The following RGS8 variants were observed in gnomAD, a reference collection of about 807,000 sequenced individuals.
The protein encoded by RGS8 is regulator of G protein signaling 8, also known as regulator of G-protein signaling 8.
In RGS8, 8 loss-of-function variants were observed where a neutral mutation model predicts 21.7. The ratio of observed to expected loss-of-function variants is 0.37; its 90% CI spans 0.22 to 0.66. The LOEUF (loss-of-function observed/expected upper bound fraction) is 0.66. Among genes scored for constraint, RGS8 ranks in the 30% least tolerant of loss-of-function variants. The pLI is 0.59. For synonymous variants in RGS8, 80 were observed against 83.6 expected, an observed-to-expected ratio of 0.96 and a Z score of 0.24; for missense variants, 157 against 217.9, an observed-to-expected ratio of 0.72 and a Z score of 1.76.
Position 182,648,380 on chromosome 1 carries a change from G to A in RGS8, c.194-77C>T. 3 of 1,468,720 alleles carry A rather than the reference G, an allele frequency of 2.0e-6. 1 individual carries two copies. In the South Asian group the frequency reaches 3.8e-5, roughly 19 times the overall value. 91.0% of individuals were successfully genotyped at this position (1,468,720 alleles called of 1,614,324 possible). On this transcript the variant is annotated intron_variant, in intron 5 of 6. Coordinates refer to ENST00000483095, the Ensembl canonical transcript of RGS8. ...AAGAACTGTAGAAGAAAGAAAGGAA[G>A]TAATAGTGTGAGGGTGCCCCTAATT... is the stretch of plus-strand genomic sequence containing the variant.
the RGS8 span, among the ~76,000 whole-genome samples, chr1:182,702,266 G>T: frequency 7.4e-4 from 112 of 152,192 alleles, no homozygotes; most frequent in African/African-American, 2.6e-3. Context: ...CAGCAACATG[G>T]ATGCAGGTGG....
At chr1:182,643,766 G>T (rs1457273224), downstream of RGS8, 1 of 152,240 alleles carries the variant, frequency 6.6e-6, no homozygotes, top group African/African-American at 2.4e-5. Flanking sequence ...GGCCATGAAT[G>T]GTTGATACTG....
the RGS8 span, among the ~76,000 whole-genome samples, chr1:182,751,292 C>A: frequency 6.6e-6 from 1 of 152,166 alleles, no homozygotes; most frequent in South Asian, 2.1e-4. Flanking sequence ...ATAAATTATG[C>A]AATCAATAGC....
the RGS8 span, among the ~76,000 whole-genome samples, chr1:182,749,334 T>C: frequency 6.6e-6 from 1 of 152,218 alleles, no homozygotes; most frequent in Non-Finnish European, 1.5e-5. Context: ...CCCAATACCA[T>C]TTATTGAAGA....
the RGS8 span, among the ~76,000 whole-genome samples, chr1:182,730,508 G>A: frequency 1.1e-4 from 17 of 152,004 alleles, no homozygotes; most frequent in African/African-American, 3.6e-4. Flanking sequence ...TCCGGAGTTC[G>A]AGACCAGCCT....
downstream of RGS8, chr1:182,643,628 T>A (rs966633613): frequency 1.3e-5 from 2 of 152,192 alleles, no homozygotes; most frequent in African/African-American, 4.8e-5. Context: ...GTCTATCAGA[T>A]CAGCATCTCT....
At chr1:182,673,425 T>C (rs537867493), upstream of RGS8, among the ~76,000 whole-genome samples, 1 of 152,178 alleles carries the variant, frequency 6.6e-6, no homozygotes, top group Admixed American at 6.5e-5. Flanking sequence ...TTGAGTCTTA[T>C]GACTCTAACA....
upstream of RGS8, among the ~76,000 whole-genome samples, chr1:182,673,213 A>G (rs75190854): frequency 1.3e-3 from 198 of 152,372 alleles, no homozygotes; most frequent in African/African-American, 4.5e-3. Flanking sequence ...TGATGGCTTT[A>G]TAATAATGGA....
the RGS8 span, among the ~76,000 whole-genome samples, chr1:182,731,919 A>G: frequency 6.6e-6 from 1 of 152,202 alleles, no homozygotes; most frequent in African/African-American, 2.4e-5. Flanking sequence ...AAAGGCTGCC[A>G]GTATTAGTAC....
chr1:182,718,025 C>A, the RGS8 span, among the ~76,000 whole-genome samples: 2 of 152,168 alleles, frequency 1.3e-5, no homozygotes, highest in African/African-American at 4.8e-5. Flanking sequence ...AAACTGTTGT[C>A]CACGTAGCTG....
rs1248329786 is a variant in RGS8 at position 182,684,088 on chromosome 1, G to C, written n.221+268C>G. On this transcript the variant is annotated intron_variant and non_coding_transcript_variant, in intron 1 of 4. Transcript: ENST00000515211. This position sits in a 1 kb window ranked among gnomAD's most constrained non-coding sequence, Gnocchi z 4.2. Reference sequence around the variant, plus strand: ...AGGGGACCTGAGGAGTTAGGGTTGAGGAAGGAGGATGGAGAACACAAAGGA... The same window carrying C: ...AGGGGACCTGAGGAGTTAGGGTTGACGAAGGAGGATGGAGAACACAAAGGA... Among the ~76,000 whole-genome samples, 1 of 152,254 alleles carries C rather than the reference G, an allele frequency of 6.6e-6. No individual in the cohort carries two copies. Among genetic ancestry groups the C allele is most frequent in the African/African-American group, 2.4e-5 (1 of 41,464 alleles).
the RGS8 span, among the ~76,000 whole-genome samples, chr1:182,700,365 A>G: frequency 6.6e-6 from 1 of 152,194 alleles, no homozygotes; most frequent in African/African-American, 2.4e-5. Flanking sequence ...CACACACGCT[A>G]GTCTACAGTG....
At chr1:182,657,057 C>T (rs933524773) in intron 5 of RGS8, among the ~76,000 whole-genome samples, 4 of 152,230 alleles carry the variant, frequency 2.6e-5, no homozygotes, top group Admixed American at 6.5e-5. Flanking sequence ...ATGGCAGCAG[C>T]GGGCTTCTGT....
At chr1:182,645,925 T>C (rs1662681351), downstream of RGS8, 1 of 152,218 alleles carries the variant, frequency 6.6e-6, no homozygotes, top group Non-Finnish European at 1.5e-5. Context: ...CCCCTTTGAA[T>C]AGAAGTCTAC....
the RGS8 span, among the ~76,000 whole-genome samples, chr1:182,693,824 A>G: frequency 6.6e-6 from 1 of 152,222 alleles, no homozygotes; most frequent in Admixed American, 6.5e-5. Context: ...CTGCAGCAAC[A>G]TGGATGGTGC....
At chr1:182,648,382 A>G in intron 5 of RGS8, 79 bp from the exon 7 acceptor site, 1 of 1,463,966 alleles carries the variant, frequency 6.8e-7, no homozygotes, top group Non-Finnish European at 9.4e-7. Flanking sequence ...GAAAGGAAGT[A>G]ATAGTGTGAG....
chr1:182,689,805 A>T, the RGS8 span, among the ~76,000 whole-genome samples: 1 of 152,240 alleles, frequency 6.6e-6, no homozygotes, highest in South Asian at 2.1e-4. Flanking sequence ...ACTTGGGCGC[A>T]AATGGGCACA....
At chr1:182,676,234 T>C (rs541323705), upstream of RGS8, among the ~76,000 whole-genome samples, 1 of 152,316 alleles carries the variant, frequency 6.6e-6, no homozygotes, top group African/African-American at 2.4e-5. Context: ...AAATTTGCAA[T>C]ATAATATTTT....
chr1:182,652,716 G>A (rs1663082173), intron 5 of RGS8, among the ~76,000 whole-genome samples: 5 of 152,214 alleles, frequency 3.3e-5, no homozygotes, highest in Admixed American at 2.6e-4. Flanking sequence ...TGATGATTAT[G>A]ATGTAGTGTG....
Sources: allele counts gnomAD v4.1 joint callset (sites outside exome capture counted in the v4.1 genomes callset), GRCh38; gene constraint gnomAD v4.1.1; non-coding constraint Gnocchi (gnomAD v3.1); transcripts MANE v1.5; gene names NCBI Gene and HGNC (gene_info 2026-07-23, HGNC 2026-07-21).